The following CYP2B6 variants were observed in gnomAD, a reference collection of about 807,000 sequenced individuals.
The protein encoded by CYP2B6 is cytochrome P450 2B6.
In CYP2B6, 35 loss-of-function variants were observed where a neutral mutation model predicts 43.4. That is an observed-to-expected ratio of 0.81 (90% CI 0.62 to 1.07). The LOEUF (loss-of-function observed/expected upper bound fraction) is 1.07, where lower values mean the gene tolerates loss of function less well. Among genes scored for constraint, CYP2B6 ranks in the 50% least tolerant of loss-of-function variants. The pLI is 0.00. For missense variants in CYP2B6, 624 were observed against 632.8 expected (o/e 0.99, Z 0.15); for synonymous variants, 239 against 239.2 (o/e 1.00, Z 0.01).
rs566882504 is a variant in CYP2B6, at chr19:41,017,987, G to A, written c.*1160G>A. ...TCCAGTCTCAGCTCCCAAGTAGCTG[G>A]GATTACAGGCATGTACTACCATGCC... is the stretch of plus-strand genomic sequence containing the variant. On this transcript the variant is annotated 3_prime_UTR_variant, in exon 9 of 9. Transcript: ENST00000324071. 274 of 152,088 alleles carry A rather than the reference G, an allele frequency of 1.8e-3. No homozygotes were observed. Among genetic ancestry groups the A allele is most frequent in the African/African-American group, 6.4e-3 (265 of 41,438 alleles). The allele number at this position is 152,088 out of a possible 1,614,324, so 9.4% of individuals were successfully genotyped here. A position where few individuals can be genotyped will look rare whatever the true frequency, so the allele number is the denominator to read the frequency against.
rs754880553 is a variant in CYP2B6 at position 41,012,389 on chromosome 19, C to T, written c.1056C>T (p.Val352=). The T allele has an allele frequency of 3.7e-6, 6 of 1,614,090 alleles. No homozygotes were observed. The highest frequency in any genetic ancestry group is 5.1e-6 in the Non-Finnish European group (6 of 1,179,952). Residue 352 remains valine, a synonymous_variant, in exon 7 of 9, where the codon GTC becomes GTT. Transcript: ENST00000324071. The stretch of plus-strand genomic sequence containing the variant: ...CCAAAATGCCATACACAGAGGCAGT[C>T]ATCTATGAGATTCAGAGATTTTCCG... ...DRAKMPYTEA[V]IYEIQRFSDL...
At chr19:40,995,701 A>T (rs532398286) in intron 1 of CYP2B6, among the ~76,000 whole-genome samples, 1 of 152,326 alleles carries the variant, frequency 6.6e-6, no homozygotes, top group South Asian at 2.1e-4. Context: ...CAAGAGATCT[A>T]TCTATGTCTT....
chr19:41,004,082 C>G lies in CYP2B6; in HGVS notation c.253C>G (p.Arg85Gly). The part of the protein sequence containing the change: ...VVMLCGVEAI[R>G]EALVDKAEAF... ...CATGCTGTGTGGAGTAGAGGCCATA[C>G]GGGAGGCCCTTGTGGACAAGGCTGA... The change falls in exon 2 of 9, where the codon CGG becomes GGG. Residue 85 changes from arginine (R) to glycine (G), a missense_variant. Transcript: ENST00000324071. The G allele has an allele frequency of 6.2e-7, 1 of 1,608,616 alleles. No individual in the cohort carries two copies. The highest frequency in any genetic ancestry group is 8.5e-7 in the Non-Finnish European group (1 of 1,179,018).
chr19:41,004,240 C>T, intron 2 of CYP2B6, 57 bp from the exon 3 acceptor site: 1 of 1,612,626 alleles, frequency 6.2e-7, no homozygotes, highest in Non-Finnish European at 8.5e-7. Context: ...GGAAGAAGGA[C>T]TCAGAGCCTT....
intron 8 of CYP2B6, among the ~76,000 whole-genome samples, chr19:41,014,909 GAGAT>G (rs1191840408): frequency 5.9e-5 from 9 of 151,684 alleles, no homozygotes; most frequent in Non-Finnish European, 1.2e-4. Context: ...AACAGAATAA[GAGAT>G]AGGAAAAAGA....
chr19:41,007,329 C>T, intron 4 of CYP2B6: 2 of 481,610 alleles, frequency 4.2e-6, no homozygotes, highest in South Asian at 2.5e-5. Flanking sequence ...TGAGCAAAAA[C>T]AAGACAAAGA....
At chr19:40,993,317 A>G (rs1168504894) in intron 1 of CYP2B6, among the ~76,000 whole-genome samples, 3 of 152,130 alleles carry the variant, frequency 2.0e-5, no homozygotes, top group African/African-American at 7.2e-5. Flanking sequence ...TTATAAACAA[A>G]AGGGATGTAA....
chr19:40,997,790 G>T (rs575373536), intron 1 of CYP2B6, among the ~76,000 whole-genome samples: 2 of 151,956 alleles, frequency 1.3e-5, no homozygotes, highest in Non-Finnish European at 2.9e-5. Flanking sequence ...ATGTTGTTTG[G>T]GTGGCTCACG....
rs1331452143 is a variant in CYP2B6 at position 40,991,401 on chromosome 19, A to G, written c.96A>G (p.Pro32=). Residue 32 remains proline, a synonymous_variant, in exon 1 of 9, where the codon CCA becomes CCG. Transcript: ENST00000324071. ...CTAACACCCATGACCGCCTCCCACC[A>G]GGGCCCCGCCCTCTGCCCCTTTTGG... ...RHPNTHDRLP[P]GPRPLPLLGN... 6.2e-7 allele frequency: 1 copy of G among 1,614,040 alleles called. No individual in the cohort carries two copies. Among genetic ancestry groups the G allele is most frequent in the East Asian group, 2.2e-5 (1 of 44,878 alleles).
In CYP2B6 at chr19:41,017,778, C is replaced by T. The variant is rs1969393075; in HGVS notation, c.*951C>T. Reference sequence around the variant, plus strand: ...ACCCCATTCTCTTTTTCATCTCGGCCCCTGTCAATCTGGTTTTTGTCACTA... The same window carrying T: ...ACCCCATTCTCTTTTTCATCTCGGCTCCTGTCAATCTGGTTTTTGTCACTA... On this transcript the variant is annotated 3_prime_UTR_variant, in exon 9 of 9. Transcript: ENST00000324071. The T allele has an allele frequency of 6.6e-6, 1 of 152,146 alleles. No homozygotes were observed. The highest frequency in any genetic ancestry group is 2.4e-5 in the African/African-American group (1 of 41,408). 9.4% of individuals were successfully genotyped at this position (152,146 alleles called of 1,614,324 possible). A position where few individuals can be genotyped will look rare whatever the true frequency, so the allele number is the denominator to read the frequency against.
chr19:41,014,939 A>T (rs11673270), intron 8 of CYP2B6, among the ~76,000 whole-genome samples: 1 of 151,764 alleles, frequency 6.6e-6, no homozygotes, highest in Non-Finnish European at 1.5e-5. Context: ...TGACATAAAA[A>T]GAGAGGAAGA....
chr19:41,004,850 C>T (rs1284577568), intron 3 of CYP2B6, among the ~76,000 whole-genome samples: 4 of 151,842 alleles, frequency 2.6e-5, no homozygotes, highest in East Asian at 1.9e-4. Flanking sequence ...AAGTGAGCCA[C>T]GCATGGTGGT....
intron 1 of CYP2B6, among the ~76,000 whole-genome samples, chr19:40,998,372 G>A (rs556843383): frequency 6.6e-6 from 1 of 152,142 alleles, no homozygotes; most frequent in South Asian, 2.1e-4. Context: ...TTGGAAACAA[G>A]CAAAACTGTC....
At chr19:41,009,655 G>A (rs1051334022) in intron 5 of CYP2B6, 18 of 610,132 alleles carry the variant, frequency 3.0e-5, no homozygotes, top group Admixed American at 2.4e-4. Flanking sequence ...GAGGGAGAGA[G>A]AGAGAAGACT....
chr19:41,003,925 T>C, intron 1 of CYP2B6, 76 bp from the exon 2 acceptor site: 6 of 1,551,792 alleles, frequency 3.9e-6, no homozygotes, highest in Non-Finnish European at 5.3e-6. Flanking sequence ...CAATCTGGTA[T>C]GTAAGTATTT....
intron 4 of CYP2B6, among the ~76,000 whole-genome samples, chr19:41,008,392 T>C (rs1011251331): frequency 2.1e-5 from 3 of 140,228 alleles, no homozygotes; most frequent in Admixed American, 7.3e-5. Context: ...TTTTGTATTT[T>C]TAGTAGAGAT....
intron 1 of CYP2B6, among the ~76,000 whole-genome samples, chr19:41,002,511 T>A (rs570290161): frequency 2.6e-4 from 40 of 152,166 alleles, no homozygotes; most frequent in African/African-American, 9.4e-4. Context: ...ATCTTGATCA[T>A]GGGTTGATTT....
At chr19:40,994,945 TC>T (rs1209294335) in intron 1 of CYP2B6, among the ~76,000 whole-genome samples, 5 of 152,138 alleles carry the variant, frequency 3.3e-5, no homozygotes, top group Non-Finnish European at 5.9e-5. Flanking sequence ...TGGGTGATTC[TC>T]ATTGGGAACA....
Position 41,016,756 on chromosome 19 carries a change from GA to G in CYP2B6, c.1406del (p.Asp469ValfsTer2). On this transcript the variant is annotated frameshift_variant, in exon 9 of 9. Transcript: ENST00000324071. LOFTEE classifies it low-confidence loss of function (END_TRUNC). ...MASPVAPEDI[D>X]LTPQECGVGK... The stretch of plus-strand genomic sequence containing the variant: ...CAGCCCCGTGGCCCCAGAAGACATC[GA>G]TCTGACACCCCAGGAGTGTGGTGTG... 1 of 1,614,168 alleles carries G rather than the reference GA, an allele frequency of 6.2e-7. No homozygotes were observed. Among genetic ancestry groups the G allele is most frequent in the Non-Finnish European group, 8.5e-7 (1 of 1,180,028 alleles).
Sources: gnomAD v4.1 joint callset for allele counts (sites outside exome capture counted in the v4.1 genomes callset) on GRCh38, gnomAD v4.1.1 for gene constraint, MANE v1.5 for transcripts, NCBI Gene and HGNC (gene_info 2026-07-23, HGNC 2026-07-21) for gene names.